The following ZFAT variants were observed in gnomAD, a reference collection of about 807,000 sequenced individuals.
ZFAT encodes the protein zinc finger protein ZFAT.
Under a neutral mutation model 117.7 loss-of-function variants are expected in ZFAT, and 64 were observed. The ratio of observed to expected loss-of-function variants is 0.54; its 90% confidence interval spans 0.44 to 0.67. The LOEUF (loss-of-function observed/expected upper bound fraction) is 0.67, where lower values mean the gene tolerates loss of function less well. ZFAT is among the 30% of genes least tolerant of loss of function. The pLI is 0.00. For missense variants in ZFAT, 1,433 were observed against 1,584.5 expected, an observed-to-expected ratio of 0.90 and a Z score of 1.62; for synonymous variants, 679 against 615.0, an observed-to-expected ratio of 1.10 and a Z score of -1.54.
chr8:134,538,787 AC>A (rs1232297853), intron 11 of ZFAT, among the ~76,000 whole-genome samples: 75 of 129,228 alleles, frequency 5.8e-4, no homozygotes, highest in Non-Finnish European at 9.7e-5. Flanking sequence ...ACAAAGTGAG[AC>A]CCTGTCACAA....
chr8:134,624,511 G>T (rs990910715), intron 3 of ZFAT, among the ~76,000 whole-genome samples: 2 of 152,074 alleles, frequency 1.3e-5, no homozygotes, highest in Non-Finnish European at 1.5e-5. Flanking sequence ...CAAAAAATTA[G>T]CCGGGCATGG....
Position 134,601,873 on chromosome 8 carries a change from G to A in ZFAT, c.1846C>T (p.Pro616Ser), listed in dbSNP as rs1827496144. 1 of 1,613,180 alleles carries A rather than the reference G, an allele frequency of 6.2e-7. No homozygotes were observed. The highest frequency in any genetic ancestry group is 8.5e-7 in the Non-Finnish European group (1 of 1,179,486). The change falls in exon 6 of 16, where the codon CCA (proline) becomes TCA (serine). Residue 616 changes from proline to serine, a missense_variant. This residue lies in a region of ZFAT where 372 missense variants were observed against 355.6 expected (regional missense o/e 1.05). Coordinates refer to ENST00000377838, the MANE Select transcript of ZFAT (RefSeq NM_020863.4). ...ACTGAGCTTCTGTGCTGCATGTCTG[G>A]GGGCTTCTCAGGAGCAGCATGAGCC... ...AEAHAAPEKP[P>S]DMQHRSSVQT...
intron 15 of ZFAT, among the ~76,000 whole-genome samples, chr8:134,486,857 TA>T (rs1231130848): frequency 1.3e-5 from 2 of 152,014 alleles, no homozygotes; most frequent in African/African-American, 4.8e-5. Flanking sequence ...GCAGTGTGCA[TA>T]GGGGTGAGGG....
At chr8:134,539,517 T>A (rs1484878116) in intron 11 of ZFAT, among the ~76,000 whole-genome samples, 1 of 152,186 alleles carries the variant, frequency 6.6e-6, no homozygotes, top group Non-Finnish European at 1.5e-5. Context: ...GACACTAGTG[T>A]GTGAAATCTG....
the ZFAT span, among the ~76,000 whole-genome samples, chr8:134,744,216 G>T: frequency 6.6e-6 from 1 of 151,774 alleles, no homozygotes; most frequent in South Asian, 2.1e-4. Flanking sequence ...CCTTATGACC[G>T]TATGACTGAG....
intron 7 of ZFAT, chr8:134,599,707 A>G (rs1165449293): frequency 4.5e-6 from 2 of 440,702 alleles, no homozygotes; most frequent in Non-Finnish European, 9.0e-6. Flanking sequence ...ATAAAAAGGC[A>G]TTCAATTAAA....
chr8:134,730,419 T>TC, the ZFAT span, among the ~76,000 whole-genome samples: 9 of 151,986 alleles, frequency 5.9e-5, no homozygotes, highest in African/African-American at 2.2e-4. Context: ...ACTTCCCCAC[T>TC]CCCCCTTCCT....
the ZFAT span, chr8:134,793,125 TAAG>T: frequency 6.6e-6 from 1 of 152,176 alleles, no homozygotes; most frequent in South Asian, 2.1e-4. Context: ...GCTTAAAACA[TAAG>T]AATACAATTT....
At chr8:134,598,898 C>T (rs904609882) in intron 7 of ZFAT, 4 of 152,216 alleles carry the variant, frequency 2.6e-5, no homozygotes, top group Admixed American at 6.5e-5. Context: ...TGACTTTTCC[C>T]AAGGCTAAAC....
chr8:134,832,203 C>T, the ZFAT span, among the ~76,000 whole-genome samples: 1 of 151,502 alleles, frequency 6.6e-6, no homozygotes, highest in Non-Finnish European at 1.5e-5. Context: ...AGAAAGCAGC[C>T]TCCGCCGCGT....
rs1554614264 is a variant in ZFAT at position 134,649,165 on chromosome 8, T to TCTCACACACACACACA, written c.196+8395_196+8396insTGTGTGTGTGTGTGAG. The stretch of plus-strand genomic sequence containing the variant: ...TAACCTAATGAAGAACATCTATCTC[T>TCTCACACACACACACA]CACACACACACACACACACACACAC... On this transcript the variant is annotated intron_variant, in intron 2 of 15. Transcript: ENST00000377838. 2.4e-3 allele frequency among the ~76,000 whole-genome samples: 182 copies of TCTCACACACACACACA among 77,040 alleles called. 4 individuals carry two copies. The highest frequency in any genetic ancestry group is 6.4e-3 in the African/African-American group (159 of 24,994). 50.5% of individuals were successfully genotyped at this position (77,040 alleles called of 152,430 possible).
chr8:134,792,429 T>A, the ZFAT span: 1 of 152,220 alleles, frequency 6.6e-6, no homozygotes, highest in Non-Finnish European at 1.5e-5. Flanking sequence ...GGTATGCCTT[T>A]GCCATTTGAA....
chr8:134,546,822 A>G (rs1256068292), intron 11 of ZFAT, among the ~76,000 whole-genome samples: 1 of 152,234 alleles, frequency 6.6e-6, no homozygotes, highest in African/African-American at 2.4e-5. Context: ...GAGCTAATGT[A>G]AACAGAGCAG....
chr8:134,799,358 T>C, the ZFAT span, among the ~76,000 whole-genome samples: 1 of 152,182 alleles, frequency 6.6e-6, no homozygotes, highest in African/African-American at 2.4e-5. Flanking sequence ...TTATACTTGT[T>C]TGTTTTGCTT....
rs904806123 is a variant in ZFAT at position 134,552,984 on chromosome 8, T to C, written c.2976+12349A>G. Among the ~76,000 whole-genome samples, 5 of 152,346 alleles carry C rather than the reference T, an allele frequency of 3.3e-5. 1 individual carries two copies. The highest frequency in any genetic ancestry group is 2.6e-4 in the Admixed American group (4 of 15,306). The stretch of plus-strand genomic sequence containing the variant: ...GAGCCAAAGGGCAAACTTCCTCCAG[T>C]GCTGGGGCCTTGTGGCATGTCCTGT... On this transcript the variant is annotated intron_variant, in intron 11 of 15. Transcript: ENST00000377838.
chr8:134,736,380 A>G, the ZFAT span, among the ~76,000 whole-genome samples: 1 of 152,156 alleles, frequency 6.6e-6, no homozygotes, highest in African/African-American at 2.4e-5. Context: ...CGGGGATGCA[A>G]CCAAACACAT....
intron 11 of ZFAT, among the ~76,000 whole-genome samples, chr8:134,554,163 C>T (rs1823395000): frequency 6.6e-6 from 1 of 152,316 alleles, no homozygotes; most frequent in South Asian, 2.1e-4. Flanking sequence ...GCTCCTGACT[C>T]CCAGCTTCAA....
chr8:134,668,070 G>A (rs573971679), intron 1 of ZFAT, among the ~76,000 whole-genome samples: 244 of 152,280 alleles, frequency 1.6e-3, no homozygotes, highest in African/African-American at 5.3e-3. Context: ...AGGGGTGCCC[G>A]CCATTGCTGA....
intron 7 of ZFAT, among the ~76,000 whole-genome samples, chr8:134,590,733 A>ACCAC (rs1563641609): frequency 2.0e-5 from 1 of 50,638 alleles, no homozygotes; most frequent in Admixed American, 3.1e-4. Flanking sequence ...ACCACCACCA[A>ACCAC]CACCACCACC....
Sources: gnomAD v4.1 joint callset for allele counts (sites outside exome capture counted in the v4.1 genomes callset) on GRCh38, gnomAD v4.1.1 for gene constraint, gnomAD v4.1.1 regional missense constraint, MANE v1.5 for transcripts, NCBI Gene and HGNC (gene_info 2026-07-23, HGNC 2026-07-21) for gene names.